TRPM1: variants seen among roughly 807,000 people sequenced by gnomAD.
The protein encoded by TRPM1 is transient receptor potential cation channel subfamily M member 1.
In TRPM1, 113 loss-of-function variants were observed where a neutral mutation model predicts 149.4. The ratio of observed to expected loss-of-function variants is 0.76; its 90% confidence interval spans 0.65 to 0.88. The LOEUF (loss-of-function observed/expected upper bound fraction) is 0.88. Among genes scored for constraint, TRPM1 ranks in the 40% least tolerant of loss-of-function variants. The pLI, the probability that TRPM1 is intolerant of heterozygous loss-of-function variation, is 0.00. For synonymous variants in TRPM1, 741 were observed against 759.5 expected (o/e 0.98, Z 0.40); for missense variants, 1,976 against 2,038.7 (o/e 0.97, Z 0.59).
intron 1 of TRPM1, among the ~76,000 whole-genome samples, chr15:31,118,132 G>A (rs1193352099): frequency 6.6e-6 from 1 of 152,052 alleles, no homozygotes; most frequent in Non-Finnish European, 1.5e-5. Context: ...TGTGGTGCAT[G>A]CCTGTAATCT....
rs1452241662 is a variant in TRPM1 at position 31,047,948 on chromosome 15, G to A, written c.1573-9C>T. 2 of 1,613,212 alleles carry A rather than the reference G, an allele frequency of 1.2e-6. No individual in the cohort carries two copies. The highest frequency in any genetic ancestry group is 1.7e-6 in the Non-Finnish European group (2 of 1,179,270). Reference sequence around the variant, plus strand: ...TTTGGTGGACCCAGTCTCTGAAAGAGAAGCATTCATGTGTGTTAAATATGT... The same window carrying A: ...TTTGGTGGACCCAGTCTCTGAAAGAAAAGCATTCATGTGTGTTAAATATGT... On this transcript the variant is annotated splice_polypyrimidine_tract_variant and intron_variant, in intron 13 of 27. Coordinates refer to ENST00000256552, the MANE Select transcript of TRPM1 (RefSeq NM_001252024.2).
chr15:31,021,032 T>A (rs887806770), intron 27 of TRPM1, among the ~76,000 whole-genome samples: 1 of 152,190 alleles, frequency 6.6e-6, no homozygotes, highest in Admixed American at 6.5e-5. Context: ...CTGAATTGGC[T>A]TTCAAAGTCA....
chr15:31,056,716 A>C (rs2034096291), intron 11 of TRPM1, among the ~76,000 whole-genome samples: 1 of 152,128 alleles, frequency 6.6e-6, no homozygotes, highest in African/African-American at 2.4e-5. Flanking sequence ...AGGGTTCATG[A>C]TCTTGAGAGA....
At chr15:31,108,071 TG>T (rs1256513059) in intron 1 of TRPM1, among the ~76,000 whole-genome samples, 3 of 152,194 alleles carry the variant, frequency 2.0e-5, no homozygotes, top group African/African-American at 4.8e-5. Context: ...TTGGCCAGGC[TG>T]GTCTCGAACT....
chr15:31,003,308 A>G (rs2031863443), intron 27 of TRPM1, among the ~76,000 whole-genome samples: 1 of 152,246 alleles, frequency 6.6e-6, no homozygotes, highest in African/African-American at 2.4e-5. Flanking sequence ...TCATTGTTCT[A>G]AGAGCATAAT....
chr15:31,062,621 C>A lies in TRPM1; in HGVS notation c.1047G>T (p.Gln349His). The A allele has an allele frequency of 6.2e-7, 1 of 1,614,044 alleles. No homozygotes were observed. The highest frequency in any genetic ancestry group is 1.7e-5 in the Admixed American group (1 of 60,016). The change falls in exon 9 of 28, where the codon CAG becomes CAT. Residue 349 changes from glutamine (Q) to histidine (H), a missense_variant. Physicochemically the swap from Gln to His is conservative, Grantham distance 24. Around this residue, in one of 3 missense-constraint regions of TRPM1, gnomAD observed 1,332 missense variants for 1,347.1 expected, o/e 0.99. Coordinates refer to ENST00000256552, the MANE Select transcript of TRPM1 (RefSeq NM_001252024.2). ...TGCACTCCATTATAATTGCAAACAGCTGATGTGATTGTGCCTTATTATAAT... is the reference window on the plus strand; with the variant it reads ...TGCACTCCATTATAATTGCAAACAGATGATGTGATTGTGCCTTATTATAAT... ...TFNYNKAQSHQLFAIIMECMK... is the reference protein window; with the variant it reads ...TFNYNKAQSHHLFAIIMECMK...
At position 31,040,814 on chromosome 15, in the gene TRPM1, C is replaced by T. The variant is rs2033591261; in HGVS notation, c.2088-468G>A. Among the ~76,000 whole-genome samples the T allele has an allele frequency of 6.6e-6, 1 of 152,068 alleles. No homozygotes were observed. The highest frequency in any genetic ancestry group is 6.6e-5 in the Admixed American group (1 of 15,254). ...TCACAGGAGGGCTGGTGGGTGCCGG[C>T]TAGGTTCTTAGTTGATCTGGGTGCT... On this transcript the variant is annotated intron_variant, in intron 17 of 27. Coordinates refer to ENST00000256552, the MANE Select transcript of TRPM1 (RefSeq NM_001252024.2). This position sits in a 1 kb window ranked among gnomAD's most constrained non-coding sequence, Gnocchi z 4.2.
chr15:31,031,117 A>G lies in TRPM1; in HGVS notation c.2993T>C (p.Val998Ala), dbSNP rs1304999686. The G allele has an allele frequency of 3.1e-6, 5 of 1,614,094 alleles. No homozygotes were observed. Among genetic ancestry groups the G allele is most frequent in the African/African-American group, 1.3e-5 (1 of 74,930 alleles). Residue 998 changes from valine (V) to alanine (A), a missense_variant, in exon 23 of 28, where the codon GTG becomes GCG. Coordinates refer to ENST00000256552, the MANE Select transcript of TRPM1 (RefSeq NM_001252024.2). ...ACGGGCTACTCCGAAACTCATGAGC[A>G]CGACCAGCATGATGACCACAAAGTA... ...MLYFVVIMLV[V>A]LMSFGVARQA...
chr15:31,088,640 C>A (rs939503229), intron 1 of TRPM1, among the ~76,000 whole-genome samples: 1 of 152,192 alleles, frequency 6.6e-6, no homozygotes, highest in Non-Finnish European at 1.5e-5. Flanking sequence ...GAACAAACTG[C>A]GGACATGCCA....
Position 31,042,158 on chromosome 15 carries a change from A to G in TRPM1, c.1880T>C (p.Val627Ala), listed in dbSNP as rs779274283. The change falls in exon 17 of 28, where the codon GTG becomes GCG. Residue 627 changes from valine to alanine, a missense_variant. Val to Ala is a moderately conservative substitution (Grantham distance 64). This residue lies in a region of TRPM1 where 1,332 missense variants were observed against 1,347.1 expected (regional missense o/e 0.99). Transcript: ENST00000256552. ...EIDIDVDDPA[V>A]SRFQYPFHEL... is the part of the protein sequence containing the mutation. The stretch of plus-strand genomic sequence containing the variant: ...GTGGAAGGGATACTGGAACCGACTC[A>G]CGGCAGGGTCGTCCACATCAATGTC... The G allele has an allele frequency of 2.5e-6, 4 of 1,614,146 alleles. No homozygotes were observed. The South Asian group carries it at 4.4e-5, about 18-fold the overall frequency.
At chr15:31,078,266 C>T (rs1424372785) in intron 2 of TRPM1, among the ~76,000 whole-genome samples, 1 of 152,096 alleles carries the variant, frequency 6.6e-6, no homozygotes, top group Non-Finnish European at 1.5e-5. Flanking sequence ...GGGAGGTCAC[C>T]TCTGCAGAGG....
At chr15:31,037,571 G>T in intron 20 of TRPM1, 140 bp downstream of exon 20, 1 of 1,172,834 alleles carries the variant, frequency 8.5e-7, no homozygotes, top group Non-Finnish European at 1.2e-6. Flanking sequence ...ATCTCAATTA[G>T]TCCCAGTTTT....
chr15:31,135,758 C>T (rs995981292), intron 1 of TRPM1, among the ~76,000 whole-genome samples: 1 of 152,092 alleles, frequency 6.6e-6, no homozygotes, highest in Admixed American at 6.6e-5. Flanking sequence ...TGGCACCTCT[C>T]TCCTTTACTT....
intron 3 of TRPM1, among the ~76,000 whole-genome samples, chr15:31,075,430 A>G (rs985506796): frequency 1.3e-5 from 2 of 152,138 alleles, no homozygotes; most frequent in Non-Finnish European, 2.9e-5. Flanking sequence ...TGTTCTTAAT[A>G]TCTCTAGTTA....
rs2033828466 is a variant in TRPM1, at chr15:31,047,957, A to G, written c.1573-18T>C. On this transcript the variant is annotated intron_variant, in intron 13 of 27. Coordinates refer to ENST00000256552, the MANE Select transcript of TRPM1 (RefSeq NM_001252024.2). ...CCCAGTCTCTGAAAGAGAAGCATTCATGTGTGTTAAATATGTTTTTCTTGG... is the reference window on the plus strand; with the variant it reads ...CCCAGTCTCTGAAAGAGAAGCATTCGTGTGTGTTAAATATGTTTTTCTTGG... 1.9e-6 allele frequency: 3 copies of G among 1,612,390 alleles called. No homozygotes were observed. Among genetic ancestry groups the G allele is most frequent in the South Asian group, 1.1e-5 (1 of 91,054 alleles).
upstream of TRPM1, among the ~76,000 whole-genome samples, chr15:31,105,238 G>C (rs938390592): frequency 6.6e-6 from 1 of 152,236 alleles, no homozygotes; most frequent in African/African-American, 2.4e-5. Context: ...GAATCTCTGA[G>C]AGCCTCTTTG....
chr15:31,056,405 A>G (rs1350229823), intron 11 of TRPM1, among the ~76,000 whole-genome samples: 2 of 152,238 alleles, frequency 1.3e-5, no homozygotes, highest in African/African-American at 4.8e-5. Context: ...TTTGCTTGAA[A>G]TAGAAGATAC....
chr15:31,103,325 C>T (rs961395924), upstream of TRPM1, among the ~76,000 whole-genome samples: 1 of 152,232 alleles, frequency 6.6e-6, no homozygotes, highest in African/African-American at 2.4e-5. Context: ...ACAGTGGCCA[C>T]AGGCCACGCG....
At chr15:31,076,095 T>C (rs1038117195) in intron 3 of TRPM1, among the ~76,000 whole-genome samples, 6 of 150,620 alleles carry the variant, frequency 4.0e-5, no homozygotes, top group African/African-American at 7.3e-5. Flanking sequence ...TTTGTGACCG[T>C]TGGCATTGTT....
Sources: gnomAD v4.1 joint callset for allele counts (sites outside exome capture counted in the v4.1 genomes callset) on GRCh38, gnomAD v4.1.1 for gene constraint, gnomAD v4.1.1 regional missense constraint, Gnocchi (gnomAD v3.1) non-coding constraint, MANE v1.5 for transcripts, NCBI Gene and HGNC (gene_info 2026-07-23, HGNC 2026-07-21) for gene names.